ACO1: variants seen among roughly 807,000 people sequenced by gnomAD.
The protein encoded by ACO1 is aconitase 1, also known as cytoplasmic aconitate hydratase.
In ACO1, 78 loss-of-function variants were observed where a neutral mutation model predicts 105.1. The observed-to-expected ratio is 0.74, with a 90% confidence interval of 0.62 to 0.90. The LOEUF is 0.90. Among genes scored for constraint, ACO1 ranks in the 40% least tolerant of loss-of-function variants. The probability of loss-of-function intolerance (pLI) is 0.00; values close to 1 mark genes in which losing one functional copy is unlikely to be tolerated. For synonymous variants in ACO1, 364 were observed against 397.4 expected, an observed-to-expected ratio of 0.92 and a Z score of 1.00; for missense variants, 965 against 1,111.1, an observed-to-expected ratio of 0.87 and a Z score of 1.87.
chr9:32,430,640 T>C (rs1379856851), intron 14 of ACO1, 66 bp downstream of exon 14: 2 of 1,498,314 alleles, frequency 1.3e-6, no homozygotes, highest in Non-Finnish European at 1.8e-6. Flanking sequence ...TAGAAGAAAC[T>C]GCTTTCCTTA....
At chr9:32,405,275 C>T (rs906802075) in intron 1 of ACO1, among the ~76,000 whole-genome samples, 3 of 152,302 alleles carry the variant, frequency 2.0e-5, no homozygotes, top group African/African-American at 2.4e-5. Flanking sequence ...AAAACTACCT[C>T]GTACCTACCA....
intron 18 of ACO1, among the ~76,000 whole-genome samples, chr9:32,438,976 C>G (rs1822421127): frequency 6.6e-6 from 1 of 152,168 alleles, no homozygotes; most frequent in Non-Finnish European, 1.5e-5. Context: ...GAAGAAATAG[C>G]TAAATGCTAT....
chr9:32,442,459 A>G (rs766146161), intron 19 of ACO1, among the ~76,000 whole-genome samples: 4 of 152,234 alleles, frequency 2.6e-5, no homozygotes, highest in Non-Finnish European at 4.4e-5. Flanking sequence ...ATTATTAATA[A>G]TAAACTAATG....
At chr9:32,440,840 G>C (rs1228416437) in intron 19 of ACO1, among the ~76,000 whole-genome samples, 2 of 152,130 alleles carry the variant, frequency 1.3e-5, no homozygotes, top group Non-Finnish European at 2.9e-5. Flanking sequence ...ACAGTTTTGG[G>C]GTAGGGTCTG....
chr9:32,441,605 A>G lies in ACO1; in HGVS notation c.2370+1018A>G, dbSNP rs886208792. Among the ~76,000 whole-genome samples the G allele has an allele frequency of 8.1e-3, 665 of 82,142 alleles. 6 individuals carry two copies. The highest frequency in any genetic ancestry group is 0.035 in the East Asian group (82 of 2,324). The allele number at this position is 82,142 out of a possible 152,430, so 53.9% of individuals were successfully genotyped here. A position where few individuals can be genotyped will look rare whatever the true frequency, so the allele number is the denominator to read the frequency against. On this transcript the variant is annotated intron_variant, in intron 19 of 20. Transcript: ENST00000309951. The stretch of plus-strand genomic sequence containing the variant: ...CAAAGGCCTGTCTTTTCTGGAAACT[A>G]TTGAAAAGAACCAGATAATTGCAGA...
intron 1 of ACO1, among the ~76,000 whole-genome samples, chr9:32,398,037 G>T (rs72561742): frequency 1.3e-5 from 2 of 152,162 alleles, no homozygotes; most frequent in South Asian, 4.2e-4. Flanking sequence ...TTCTCATCCT[G>T]TCCAGCCCAC....
At chr9:32,448,822 CAA>C (rs2118587528) in intron 19 of ACO1, 72 bp from the exon 20 acceptor site, 9 of 1,555,236 alleles carry the variant, frequency 5.8e-6, no homozygotes, top group Non-Finnish European at 8.0e-6. Flanking sequence ...AGCTCTCTCA[CAA>C]AGTCTTTTGT....
chr9:32,433,959 GAT>G, intron 16 of ACO1, 127 bp downstream of exon 16: 1 of 775,926 alleles, frequency 1.3e-6, no homozygotes, highest in South Asian at 1.9e-5. Context: ...AACCCAAGCA[GAT>G]ACTGCTGGGG....
At chr9:32,427,532 A>G in intron 12 of ACO1, 96 bp downstream of exon 12, 2 of 1,490,446 alleles carry the variant, frequency 1.3e-6, no homozygotes, top group African/African-American at 2.8e-5. Context: ...AGATTATCTG[A>G]TGATATCTAA....
At chr9:32,409,213 G>A (rs1404354723) in intron 4 of ACO1, among the ~76,000 whole-genome samples, 2 of 152,216 alleles carry the variant, frequency 1.3e-5, no homozygotes, top group East Asian at 3.9e-4. Context: ...TCCAGCCTAC[G>A]AAGCTCCCTG....
In ACO1 at chr9:32,450,056, CTT is replaced by C. The variant is rs759484223; in HGVS notation, c.2616_2617del (p.Tyr873PhefsTer58). 1 of 1,614,098 alleles carries C rather than the reference CTT, an allele frequency of 6.2e-7. No individual in the cohort carries two copies. The highest frequency in any genetic ancestry group is 8.5e-7 in the Non-Finnish European group (1 of 1,180,032). ...AGGTTTGACACTGATGTGGAGCTCACTTATTTCCTCAACGGGGGCATCCTCAA... is the reference window on the plus strand; with the variant it reads ...AGGTTTGACACTGATGTGGAGCTCACATTTCCTCAACGGGGGCATCCTCAA... On this transcript the variant is annotated frameshift_variant, in exon 21 of 21. Coordinates refer to ENST00000309951, the MANE Select transcript of ACO1 (RefSeq NM_002197.3). LOFTEE classifies it high-confidence loss of function.
At chr9:32,433,883 C>CTTCAAA in intron 16 of ACO1, 51 bp downstream of exon 16, 1 of 1,371,846 alleles carries the variant, frequency 7.3e-7, no homozygotes, top group Non-Finnish European at 1.0e-6. Flanking sequence ...GGTTTCTTTC[C>CTTCAAA]TAATAATATC....
At chr9:32,385,930 C>T (rs1821148887) in intron 1 of ACO1, among the ~76,000 whole-genome samples, 1 of 152,196 alleles carries the variant, frequency 6.6e-6, no homozygotes, top group African/African-American at 2.4e-5. Context: ...GGAACACACA[C>T]CACCTCATGC....
chr9:32,399,834 C>T (rs923625563), intron 1 of ACO1, among the ~76,000 whole-genome samples: 5 of 150,188 alleles, frequency 3.3e-5, no homozygotes, highest in Admixed American at 6.6e-5. Flanking sequence ...AATTCAAATG[C>T]GTTTAAAAGT....
intron 12 of ACO1, among the ~76,000 whole-genome samples, chr9:32,428,829 G>C (rs1204888543): frequency 6.6e-6 from 1 of 150,860 alleles, no homozygotes; most frequent in African/African-American, 2.4e-5. Flanking sequence ...GGGCAACAGA[G>C]CGAGACTCCG....
intron 20 of ACO1, 78 bp downstream of exon 20, chr9:32,449,159 TAGTG>T (rs1156835442): frequency 1.4e-6 from 2 of 1,429,214 alleles, no homozygotes; most frequent in African/African-American, 1.4e-5. Flanking sequence ...AGAAGGAAAT[TAGTG>T]AGGTTTAGAA....
At chr9:32,407,906 T>A (rs1301439178) in intron 3 of ACO1, among the ~76,000 whole-genome samples, 1 of 152,256 alleles carries the variant, frequency 6.6e-6, no homozygotes, top group Non-Finnish European at 1.5e-5. Flanking sequence ...CTCATCTTGC[T>A]ATTTTTAGAT....
rs748140048 is a variant in ACO1 at position 32,431,866 on chromosome 9, C to G, written c.1851+23C>G. The G allele has an allele frequency of 1.9e-6, 3 of 1,613,104 alleles. No homozygotes were observed. The South Asian group carries it at 3.3e-5, about 18-fold the overall frequency. ...GAGGTGAGGTCCCACACTGCCCTCC[C>G]CGCCCCAGAGGATCTAAGGGAAAGC... On this transcript the variant is annotated intron_variant, in intron 15 of 20. Coordinates refer to ENST00000309951, the MANE Select transcript of ACO1 (RefSeq NM_002197.3).
chr9:32,416,601 G>T (rs1335047608), intron 4 of ACO1, among the ~76,000 whole-genome samples: 1 of 152,158 alleles, frequency 6.6e-6, no homozygotes, highest in Non-Finnish European at 1.5e-5. Context: ...AGGCAGTGAT[G>T]ATTGCATTCT....
Sources: gnomAD v4.1 joint callset for allele counts (sites outside exome capture counted in the v4.1 genomes callset) on GRCh38, gnomAD v4.1.1 for gene constraint, MANE v1.5 for transcripts, NCBI Gene and HGNC (gene_info 2026-07-23, HGNC 2026-07-21) for gene names.